CACNA1H: variants seen among roughly 807,000 people sequenced by gnomAD.
The protein encoded by CACNA1H is voltage-dependent T-type calcium channel subunit alpha-1H.
In CACNA1H, 149 loss-of-function variants were observed where a neutral mutation model predicts 192.5. The ratio of observed to expected loss-of-function variants is 0.77; its 90% confidence interval spans 0.68 to 0.89. CACNA1H has a LOEUF of 0.89. CACNA1H is among the 40% of genes least tolerant of loss of function. CACNA1H has a pLI of 0.00. For synonymous variants in CACNA1H, 2,202 were observed against 1,475.2 expected (o/e 1.49, Z -11.29); for missense variants, 4,257 against 3,423.5 (o/e 1.24, Z -6.08).
chr16:1,155,705 T>G (rs544596524), intron 2 of CACNA1H, among the ~76,000 whole-genome samples: 15 of 152,226 alleles, frequency 9.9e-5, no homozygotes, highest in African/African-American at 2.9e-4. Context: ...CCCTCTCGGC[T>G]GAGAGAGTTT....
intron 25 of CACNA1H, 72 bp downstream of exon 25, chr16:1,212,210 C>T (rs1969532120): frequency 6.6e-7 from 1 of 1,508,102 alleles, no homozygotes; most frequent in Non-Finnish European, 8.8e-7. Context: ...CCAGCCCCTC[C>T]ACTCCCGCCC....
intron 9 of CACNA1H, 119 bp from the exon 10 acceptor site, chr16:1,203,891 C>T (rs1206706451): frequency 2.8e-6 from 2 of 706,418 alleles, no homozygotes; most frequent in East Asian, 2.7e-5. Flanking sequence ...AGGTTGGACT[C>T]TGGATGGATC....
In CACNA1H at chr16:1,194,874, C is replaced by T. The variant is rs961353459; in HGVS notation, c.300-98C>T. 5 of 879,716 alleles carry T rather than the reference C, an allele frequency of 5.7e-6. No individual in the cohort carries two copies. In the African/African-American group the frequency reaches 6.5e-5, roughly 11 times the overall value. 54.5% of individuals were successfully genotyped at this position (879,716 alleles called of 1,614,324 possible). On this transcript the variant is annotated intron_variant, in intron 2 of 34. Coordinates refer to ENST00000348261, the MANE Select transcript of CACNA1H (RefSeq NM_021098.3). The stretch of plus-strand genomic sequence containing the variant: ...TCCTGGACACCCCCACGCGCGCACA[C>T]CCGTGGCGGGGCTCCGGCTGACCGG...
chr16:1,194,281 C>A (rs117672043), intron 2 of CACNA1H, among the ~76,000 whole-genome samples: 1 of 152,196 alleles, frequency 6.6e-6, no homozygotes, highest in African/African-American at 2.4e-5. Flanking sequence ...TGCCTGACTT[C>A]CCAAGGCTGT....
intron 2 of CACNA1H, chr16:1,156,992 C>T (rs766943128): frequency 3.3e-5 from 5 of 152,244 alleles, no homozygotes; most frequent in Non-Finnish European, 4.4e-5. Context: ...AGCGCTGCTT[C>T]TCCTCCACAG....
intron 16 of CACNA1H, 135 bp from the exon 17 acceptor site, chr16:1,208,897 C>T (rs1386718774): frequency 6.2e-6 from 6 of 961,392 alleles, no homozygotes; most frequent in South Asian, 2.5e-5. Context: ...AAAATCACAG[C>T]CTCCACCGTG....
chr16:1,168,282 C>T (rs1964004743), intron 2 of CACNA1H, among the ~76,000 whole-genome samples: 1 of 152,150 alleles, frequency 6.6e-6, no homozygotes, highest in Non-Finnish European at 1.5e-5. Context: ...CCAGCAACCC[C>T]CATCTCCTCC....
chr16:1,209,003 C>G (rs1160047694), intron 16 of CACNA1H, 29 bp from the exon 17 acceptor site: 2 of 1,471,006 alleles, frequency 1.4e-6, no homozygotes, highest in East Asian at 2.5e-5. Flanking sequence ...AGTGATGCCA[C>G]CAGGTCACTG....
chr16:1,220,956 A>G lies in CACNA1H; in HGVS notation c.7024A>G (p.Thr2342Ala), dbSNP rs1255649472. Residue 2342 changes from threonine (T) to alanine (A), a missense_variant, in exon 35 of 35, where the codon ACC becomes GCC. Coordinates refer to ENST00000348261, the MANE Select transcript of CACNA1H (RefSeq NM_021098.3). Reference protein sequence around the residue: ...PLEKPGSPSATPAPGGGADDP... With the variant: ...PLEKPGSPSAAPAPGGGADDP... ...GGAGAAACCAGGGTCCCCCTCAGCCACCCCTGCCCCAGGGGGTGGTGCAGA... is the reference window on the plus strand; with the variant it reads ...GGAGAAACCAGGGTCCCCCTCAGCCGCCCCTGCCCCAGGGGGTGGTGCAGA... 1.2e-6 allele frequency: 2 copies of G among 1,604,116 alleles called. No homozygotes were observed. The highest frequency in any genetic ancestry group is 2.7e-5 in the African/African-American group (2 of 74,252).
intron 2 of CACNA1H, 42 bp from the exon 3 acceptor site, chr16:1,194,930 G>A (rs1243298807): frequency 4.1e-6 from 6 of 1,472,186 alleles, no homozygotes; most frequent in Non-Finnish European, 5.7e-6. Context: ...ATGGGAGCGG[G>A]TCCCGGGCCG....
chr16:1,192,945 C>A (rs1447991565), intron 2 of CACNA1H, among the ~76,000 whole-genome samples: 2 of 151,902 alleles, frequency 1.3e-5, no homozygotes, highest in African/African-American at 4.8e-5. Flanking sequence ...CCGAGGCACC[C>A]ACAGGACAAG....
chr16:1,160,827 G>A (rs1030865448), intron 2 of CACNA1H, among the ~76,000 whole-genome samples: 2 of 152,132 alleles, frequency 1.3e-5, no homozygotes, highest in South Asian at 2.1e-4. Flanking sequence ...GGGTGTGGCC[G>A]CCGCCTGCGT....
At chr16:1,219,178 C>T (rs1200412573) in intron 34 of CACNA1H, 48 bp downstream of exon 34, 2 of 1,460,276 alleles carry the variant, frequency 1.4e-6, no homozygotes, top group African/African-American at 1.4e-5. Flanking sequence ...GGATGGGGGG[C>T]TTGCAGGGAT....
intron 2 of CACNA1H, among the ~76,000 whole-genome samples, chr16:1,170,385 G>C (rs1182581708): frequency 6.6e-6 from 1 of 152,204 alleles, no homozygotes; most frequent in Non-Finnish European, 1.5e-5. Context: ...AGGAATCCGG[G>C]GTAACACTGG....
At chr16:1,182,478 G>A (rs1965573573) in intron 2 of CACNA1H, among the ~76,000 whole-genome samples, 1 of 152,110 alleles carries the variant, frequency 6.6e-6, no homozygotes, top group South Asian at 2.1e-4. Flanking sequence ...CAGCCCCCGT[G>A]CCCTCCTGTG....
chr16:1,208,209 C>A lies in CACNA1H; in HGVS notation c.3351C>A (p.Asp1117Glu). The A allele has an allele frequency of 6.4e-7, 1 of 1,562,076 alleles. No homozygotes were observed. Among genetic ancestry groups the A allele is most frequent in the Non-Finnish European group, 8.6e-7 (1 of 1,156,266 alleles). Residue 1117 changes from aspartate to glutamate, a missense_variant, in exon 16 of 35, where the codon GAC (aspartate) becomes GAA (glutamate). Transcript: ENST00000348261. ...SSSSGDPPLGDQKPPASLRSS... is the reference protein window; with the variant it reads ...SSSSGDPPLGEQKPPASLRSS... ...GCTCCGGGGACCCGCCACTGGGAGA[C>A]CAGAAGCCTCCGGTAGGGACCATCT...
Position 1,204,243 on chromosome 16 carries a change from C to G in CACNA1H, c.2236C>G (p.Pro746Ala), listed in dbSNP as rs754523971. The change falls in exon 10 of 35, where the codon CCC becomes GCC. Residue 746 changes from proline to alanine, a missense_variant. Pro to Ala is a conservative substitution (Grantham distance 27). Coordinates refer to ENST00000348261, the MANE Select transcript of CACNA1H (RefSeq NM_021098.3). ...HGDRWDPTRP[P>A]RATDTPGPGP... is the part of the protein sequence containing the mutation. ...TGACCGCTGGGACCCCACGCGACCA[C>G]CCCGTGCGACGGACACACCAGGCCC... 6.2e-7 allele frequency: 1 copy of G among 1,610,626 alleles called. No homozygotes were observed. Among genetic ancestry groups the G allele is most frequent in the Non-Finnish European group, 8.5e-7 (1 of 1,178,956 alleles).
chr16:1,206,159 C>A lies in CACNA1H; in HGVS notation c.2659C>A (p.Arg887=). The change falls in exon 12 of 35, where the codon CGG becomes AGG. Residue 887 remains arginine, a synonymous_variant. Transcript: ENST00000348261. ...TGGCTTGTCTGTGCTGCGCACCTTC[C>A]GGCTGCTGCGTGTGCTGAAGCTGGT... The part of the protein sequence containing the change: ...DGGLSVLRTF[R]LLRVLKLVRF... 2 of 1,585,254 alleles carry A rather than the reference C, an allele frequency of 1.3e-6. No homozygotes were observed. Among genetic ancestry groups the A allele is most frequent in the African/African-American group, 1.3e-5 (1 of 74,430 alleles).
intron 2 of CACNA1H, among the ~76,000 whole-genome samples, chr16:1,175,865 GTCTCGGGCAGACC>G (rs1964832047): frequency 6.6e-6 from 1 of 152,160 alleles, no homozygotes; most frequent in Admixed American, 6.5e-5. Context: ...GCCCCTGCCC[GTCTCGGGCAGACC>G]TTGGGCTGCC....
Sources: allele counts gnomAD v4.1 joint callset (sites outside exome capture counted in the v4.1 genomes callset), GRCh38; gene constraint gnomAD v4.1.1; transcripts MANE v1.5; gene names NCBI Gene and HGNC (gene_info 2026-07-23, HGNC 2026-07-21).